Variants in EXOSC1 observed in about 807,000 individuals in gnomAD.
The protein encoded by EXOSC1 is exosome component 1.
EXOSC1 carries 27 observed loss-of-function variants against 31.4 expected under a neutral mutation model. That is an observed-to-expected ratio of 0.86 (90% CI 0.63 to 1.18). The LOEUF is 1.18. EXOSC1 is among the 50% of genes most tolerant of loss of function. The pLI is 0.00. For synonymous variants in EXOSC1, 84 were observed against 89.5 expected (o/e 0.94, Z 0.35); for missense variants, 228 against 250.3 (o/e 0.91, Z 0.60).
At position 97,437,742 on chromosome 10, in the gene EXOSC1, A is replaced by C; in HGVS notation, c.354T>G (p.Ile118Met). 2 of 1,613,098 alleles carry C rather than the reference A, an allele frequency of 1.2e-6. No individual in the cohort carries two copies. Among genetic ancestry groups the C allele is most frequent in the Non-Finnish European group, 1.7e-6 (2 of 1,179,334 alleles). ...TGTCACCTGGGCGGAAACTCTTATAAATTTCAACCTGTAAAGAAAGAACAG... is the reference window on the plus strand; with the variant it reads ...TGTCACCTGGGCGGAAACTCTTATACATTTCAACCTGTAAAGAAAGAACAG... ...VRATEKDKVE[I>M]YKSFRPGDIV... The change falls in exon 6 of 8, where the codon ATT (isoleucine) becomes ATG (methionine). Residue 118 changes from isoleucine to methionine, a missense_variant. Coordinates refer to ENST00000370902, the MANE Select transcript of EXOSC1 (RefSeq NM_016046.5).
Position 97,438,690 on chromosome 10 carries a change from G to A in EXOSC1, c.325C>T (p.Arg109Ter), listed in dbSNP as rs752248453. ...FRGTIRKEDV[R>*]ATEKDKVEIY... ...ACAACCTTGTCTTTTTCAGTTGCTC[G>A]GACATCTTCCTTGCTATAAAAAAAG... Residue 109 changes from arginine to a stop codon, truncating the protein, a stop_gained, in exon 5 of 8, where the codon CGA (arginine) becomes TGA (stop). Transcript: ENST00000370902. LOFTEE classifies it high-confidence loss of function. 65 of 1,606,620 alleles carry A rather than the reference G, an allele frequency of 4.0e-5. No individual in the cohort carries two copies. In the Admixed American group the frequency reaches 9.2e-4, roughly 23 times the overall value.
rs149684008 is a variant in EXOSC1, at chr10:97,436,466, T to C, written c.567A>G (p.Gln189=). 5 of 1,613,050 alleles carry C rather than the reference T, an allele frequency of 3.1e-6. No homozygotes were observed. In the African/African-American group the frequency reaches 5.3e-5, roughly 17 times the overall value. The part of the protein sequence containing the change: ...TKEFRKVARV[Q]PEFLQT ...CTTCTTAGGTCTGCAAGAATTCGGG[T>C]TGTACTCGGGCTACTTTCCGGAATT... The change falls in exon 8 of 8, where the codon CAA becomes CAG. Residue 189 remains glutamine, a synonymous_variant. Transcript: ENST00000370902.
In EXOSC1 at chr10:97,437,238, G is replaced by A. The variant is rs757023510; in HGVS notation, c.434C>T (p.Thr145Ile). ...CACTCCCAGCTCGTTCTCGGCGGTG[G>A]TTAGCAGGTAGTTGGACTGTGCATC... is the stretch of plus-strand genomic sequence containing the variant. ...LGDAQSNYLL[T>I]TAENELGVVV... Residue 145 changes from threonine (T) to isoleucine (I), a missense_variant, in exon 7 of 8, where the codon ACC (threonine) becomes ATC (isoleucine). Coordinates refer to ENST00000370902, the MANE Select transcript of EXOSC1 (RefSeq NM_016046.5). The A allele has an allele frequency of 6.2e-7, 1 of 1,614,182 alleles. No homozygotes were observed. Among genetic ancestry groups the A allele is most frequent in the Non-Finnish European group, 8.5e-7 (1 of 1,180,026 alleles).
chr10:97,438,861 C>T lies in EXOSC1; in HGVS notation c.312-158G>A, dbSNP rs539476294. Among the ~76,000 whole-genome samples, 14 of 150,920 alleles carry T rather than the reference C, an allele frequency of 9.3e-5. No individual in the cohort carries two copies. The East Asian group carries it at 9.8e-4, about 11-fold the overall frequency. On this transcript the variant is annotated intron_variant, in intron 4 of 7. Coordinates refer to ENST00000370902, the MANE Select transcript of EXOSC1 (RefSeq NM_016046.5). ...CCGCCTCCTGGGTTCAAGCAATTCTCGTGCCTCAGCCTCTCAAGCAGCTGG... is the reference window on the plus strand; with the variant it reads ...CCGCCTCCTGGGTTCAAGCAATTCTTGTGCCTCAGCCTCTCAAGCAGCTGG...
intron 3 of EXOSC1, among the ~76,000 whole-genome samples, chr10:97,441,486 GTTTTT>G (rs781273557): frequency 7.5e-6 from 1 of 133,530 alleles, no homozygotes; most frequent in South Asian, 2.4e-4. Context: ...GGTGGTATGG[GTTTTT>G]TTTTTTTTTT....
Position 97,445,503 on chromosome 10 carries a change from G to T in EXOSC1, c.147+229C>A, listed in dbSNP as rs534306742. On this transcript the variant is annotated intron_variant, in intron 2 of 7. Transcript: ENST00000370902. ...GGATACTGAGTTCGCATCTGCTTTT[G>T]TCCCAACTTCCCTCCCCGAGGGTCA... The T allele has an allele frequency of 1.5e-4, 84 of 576,572 alleles. 1 individual carries two copies. Among genetic ancestry groups the T allele is most frequent in the African/African-American group, 9.0e-4 (48 of 53,566 alleles). 35.7% of individuals were successfully genotyped at this position (576,572 alleles called of 1,614,324 possible). A position where few individuals can be genotyped will look rare whatever the true frequency, so the allele number is the denominator to read the frequency against.
intron 2 of EXOSC1, among the ~76,000 whole-genome samples, chr10:97,443,586 G>T (rs1192509990): frequency 6.6e-6 from 1 of 152,038 alleles, no homozygotes; most frequent in East Asian, 1.9e-4. Context: ...GCAGTGGCAC[G>T]ATCTCGGCTC....
chr10:97,436,213 T>C lies in EXOSC1; in HGVS notation c.*232A>G, dbSNP rs1845528966. 2 of 426,536 alleles carry C rather than the reference T, an allele frequency of 4.7e-6. No homozygotes were observed. The highest frequency in any genetic ancestry group is 8.3e-6 in the Non-Finnish European group (2 of 240,022). 26.4% of individuals were successfully genotyped at this position (426,536 alleles called of 1,614,324 possible). A position where few individuals can be genotyped will look rare whatever the true frequency, so the allele number is the denominator to read the frequency against. On this transcript the variant is annotated 3_prime_UTR_variant, in exon 8 of 8. Coordinates refer to ENST00000370902, the MANE Select transcript of EXOSC1 (RefSeq NM_016046.5). ...AAGGACTGTCAGGAGGGATAGGCTA[T>C]TTCCAATATCACAGTTTTGTTTGTT...
rs1845525391 is a variant in EXOSC1, at chr10:97,436,097, C to G, written c.*348G>C. 1 of 273,538 alleles carries G rather than the reference C, an allele frequency of 3.7e-6. No individual in the cohort carries two copies. The highest frequency in any genetic ancestry group is 2.4e-5 in the African/African-American group (1 of 42,454). 16.9% of individuals were successfully genotyped at this position (273,538 alleles called of 1,614,324 possible). Reference sequence around the variant, plus strand: ...GCAGAAGTACTGAAATGTCCTGACACCATTTAGATGTCTTTCTCTGCTTAA... The same window carrying G: ...GCAGAAGTACTGAAATGTCCTGACAGCATTTAGATGTCTTTCTCTGCTTAA... On this transcript the variant is annotated 3_prime_UTR_variant, in exon 8 of 8. Coordinates refer to ENST00000370902, the MANE Select transcript of EXOSC1 (RefSeq NM_016046.5).
At chr10:97,443,834 C>G (rs562722478) in intron 2 of EXOSC1, 1 of 152,668 alleles carries the variant, frequency 6.6e-6, no homozygotes, top group East Asian at 1.9e-4. Context: ...CTCTTGTTGC[C>G]TAGGATGGAG....
intron 2 of EXOSC1, among the ~76,000 whole-genome samples, chr10:97,443,623 C>T (rs896251441): frequency 6.6e-6 from 1 of 151,964 alleles, no homozygotes; most frequent in Non-Finnish European, 1.5e-5. Flanking sequence ...CCCGGGTTCA[C>T]GCCATTCTCC....
At chr10:97,438,765 T>C in intron 4 of EXOSC1, 62 bp from the exon 5 acceptor site, 1 of 1,437,834 alleles carries the variant, frequency 7.0e-7, no homozygotes, top group South Asian at 1.2e-5. Context: ...TTTTTTTTTT[T>C]TTTTTGAGAC....
intron 5 of EXOSC1, 38 bp downstream of exon 5, chr10:97,438,632 T>C: frequency 6.3e-7 from 1 of 1,594,694 alleles, no homozygotes; most frequent in Non-Finnish European, 8.6e-7. Context: ...GGGATTGAGA[T>C]ACGTAAAGCC....
At chr10:97,440,392 A>T (rs1845677970) in intron 4 of EXOSC1, among the ~76,000 whole-genome samples, 1 of 152,160 alleles carries the variant, frequency 6.6e-6, no homozygotes, top group Admixed American at 6.6e-5. Flanking sequence ...TCTGTTGCCC[A>T]GGCTAGAGTG....
At chr10:97,444,258 G>A (rs1564790483) in intron 2 of EXOSC1, 1 of 152,210 alleles carries the variant, frequency 6.6e-6, no homozygotes, top group Non-Finnish European at 1.5e-5. Flanking sequence ...GGTATTGGCT[G>A]TTGGTATAAG....
At chr10:97,443,105 G>T in intron 3 of EXOSC1, 132 bp downstream of exon 3, 1 of 749,996 alleles carries the variant, frequency 1.3e-6, no homozygotes, top group South Asian at 1.8e-5. Context: ...AATTACCAGT[G>T]TGAGCCACTG....
chr10:97,445,716 A>C lies in EXOSC1; in HGVS notation c.147+16T>G. The C allele has an allele frequency of 6.2e-7, 1 of 1,611,254 alleles. No individual in the cohort carries two copies. ...AAGGGAAAAACAGAGGGGAGATGGC[A>C]TGCCGCTTCCTTTACCGCGCCATTC... On this transcript the variant is annotated intron_variant, in intron 2 of 7. Coordinates refer to ENST00000370902, the MANE Select transcript of EXOSC1 (RefSeq NM_016046.5).
chr10:97,437,170 G>A, intron 7 of EXOSC1, 21 bp downstream of exon 7: 1 of 1,606,956 alleles, frequency 6.2e-7, no homozygotes, highest in Non-Finnish European at 8.5e-7. Context: ...AAGTAAGGAT[G>A]TGGAAACAAG....
chr10:97,436,291 G>T lies in EXOSC1; in HGVS notation c.*154C>A. ...CTCAAGAGAATGAAATCCACTGATA[G>T]GTTCACAGAAACATGTTCCATCTAC... is the stretch of plus-strand genomic sequence containing the variant. On this transcript the variant is annotated 3_prime_UTR_variant, in exon 8 of 8. Coordinates refer to ENST00000370902, the MANE Select transcript of EXOSC1 (RefSeq NM_016046.5). 1 of 611,222 alleles carries T rather than the reference G, an allele frequency of 1.6e-6. No homozygotes were observed. Among genetic ancestry groups the T allele is most frequent in the Non-Finnish European group, 2.9e-6 (1 of 343,392 alleles). 37.9% of individuals were successfully genotyped at this position (611,222 alleles called of 1,614,324 possible). A position where few individuals can be genotyped will look rare whatever the true frequency, so the allele number is the denominator to read the frequency against.
Sources: gnomAD v4.1 joint callset for allele counts (sites outside exome capture counted in the v4.1 genomes callset) on GRCh38, gnomAD v4.1.1 for gene constraint, MANE v1.5 for transcripts, NCBI Gene and HGNC (gene_info 2026-07-23, HGNC 2026-07-21) for gene names.